Variants in CNTNAP2 observed in about 807,000 individuals in gnomAD.
CNTNAP2 encodes the protein contactin-associated protein-like 2.
Under a neutral mutation model 155.2 loss-of-function variants are expected in CNTNAP2, and 98 were observed. The ratio of observed to expected loss-of-function variants is 0.63; its 90% CI spans 0.54 to 0.75. The LOEUF is 0.75. CNTNAP2 is among the 30% of genes least tolerant of loss of function. The probability of loss-of-function intolerance (pLI) is 0.00; values close to 1 mark genes in which losing one functional copy is unlikely to be tolerated. For synonymous variants in CNTNAP2, 651 were observed against 631.2 expected, an observed-to-expected ratio of 1.03 and a Z score of -0.47; for missense variants, 1,727 against 1,688.1, an observed-to-expected ratio of 1.02 and a Z score of -0.40.
At chr7:147,502,306 G>A (rs13228879) in intron 11 of CNTNAP2, among the ~76,000 whole-genome samples, 24,944 of 152,120 alleles carry the variant, frequency 0.16, 2,686 homozygotes, top group Non-Finnish European at 0.24. Flanking sequence ...CATACTAAGT[G>A]TGAGGGAAAT....
chr7:147,620,684 G>A (rs1188365504), intron 12 of CNTNAP2, among the ~76,000 whole-genome samples: 1 of 151,886 alleles, frequency 6.6e-6, no homozygotes, highest in Non-Finnish European at 1.5e-5. Context: ...ATTTGAAAAT[G>A]CACAGTCAGT....
At chr7:146,464,185 C>CTTTTTTTTTTTTTTTT (rs1554437059) in intron 1 of CNTNAP2, among the ~76,000 whole-genome samples, 1 of 90,878 alleles carries the variant, frequency 1.1e-5, no homozygotes, top group African/African-American at 3.6e-5. Flanking sequence ...TCCTTTGAAA[C>CTTTTTTTTTTTTTTTT]TGTTTTTTTT....
intron 11 of CNTNAP2, among the ~76,000 whole-genome samples, chr7:147,534,381 C>A (rs1799504085): frequency 6.6e-6 from 1 of 152,144 alleles, no homozygotes; most frequent in African/African-American, 2.4e-5. Flanking sequence ...GGTCCCAGTG[C>A]CACTTAGAAT....
At chr7:147,612,922 C>A (rs62483184) in intron 12 of CNTNAP2, among the ~76,000 whole-genome samples, 23,143 of 152,124 alleles carry the variant, frequency 0.15, 2,171 homozygotes, top group East Asian at 0.32. Flanking sequence ...ATAACCATAG[C>A]TCAACTTATT....
intron 13 of CNTNAP2, among the ~76,000 whole-genome samples, chr7:147,685,622 G>T (rs147557649): frequency 3.0e-4 from 46 of 151,612 alleles, no homozygotes; most frequent in African/African-American, 1.1e-3. Flanking sequence ...ATGACAAATC[G>T]TCACCTTCTA....
intron 4 of CNTNAP2, among the ~76,000 whole-genome samples, chr7:147,088,572 G>A (rs1406992572): frequency 6.6e-6 from 1 of 152,144 alleles, no homozygotes; most frequent in South Asian, 2.1e-4. Context: ...AAAATATTAT[G>A]TCATATTATG....
intron 9 of CNTNAP2, among the ~76,000 whole-genome samples, chr7:147,326,267 G>A (rs1795457269): frequency 6.6e-6 from 1 of 152,130 alleles, no homozygotes; most frequent in African/African-American, 2.4e-5. Context: ...AATATTCTAG[G>A]TACCTTATAT....
intron 12 of CNTNAP2, among the ~76,000 whole-genome samples, chr7:147,580,119 A>G (rs1430186177): frequency 1.3e-5 from 2 of 152,232 alleles, no homozygotes; most frequent in Non-Finnish European, 2.9e-5. Context: ...AGTACTCTTC[A>G]TTCCCACATC....
At chr7:148,235,264 A>G (rs994938735) in intron 20 of CNTNAP2, among the ~76,000 whole-genome samples, 24 of 152,234 alleles carry the variant, frequency 1.6e-4, no homozygotes, top group African/African-American at 5.8e-4. Flanking sequence ...GGTCCTGTAT[A>G]TAAATCTTAA....
intron 12 of CNTNAP2, among the ~76,000 whole-genome samples, chr7:147,602,824 AT>A (rs566296774): frequency 4.3e-4 from 66 of 151,854 alleles, no homozygotes; most frequent in Admixed American, 1.5e-3. Flanking sequence ...TGAACTCATC[AT>A]TTTTTATGGC....
intron 18 of CNTNAP2, among the ~76,000 whole-genome samples, chr7:148,192,569 T>A (rs1243387096): frequency 6.7e-6 from 1 of 148,772 alleles, no homozygotes; most frequent in Non-Finnish European, 1.5e-5. Flanking sequence ...CTCCATGCAG[T>A]GAGCCGAGAT....
chr7:148,383,827 G>C lies in CNTNAP2; in HGVS notation c.3654G>C (p.Pro1218=). The part of the protein sequence containing the change: ...ELVESNCGAS[P]LTLSPMSSAT... ...TGGAGTCCAACTGCGGGGCCTCGCCGCTGACCCTCTCCCCCATGTCGTCCG... is the reference window on the plus strand; with the variant it reads ...TGGAGTCCAACTGCGGGGCCTCGCCCCTGACCCTCTCCCCCATGTCGTCCG... Residue 1218 remains proline, a synonymous_variant, in exon 22 of 24, where the codon CCG becomes CCC. Coordinates refer to ENST00000361727, the MANE Select transcript of CNTNAP2 (RefSeq NM_014141.6). The C allele has an allele frequency of 1.2e-6, 2 of 1,614,044 alleles. No individual in the cohort carries two copies. The highest frequency in any genetic ancestry group is 2.2e-5 in the South Asian group (2 of 91,074).
chr7:147,817,429 G>T (rs35843029), intron 13 of CNTNAP2, among the ~76,000 whole-genome samples: 2 of 152,098 alleles, frequency 1.3e-5, no homozygotes, highest in African/African-American at 2.4e-5. Flanking sequence ...AAGTATTTTA[G>T]GTATGATGTT....
At chr7:146,385,671 A>G (rs1795450228) in intron 1 of CNTNAP2, among the ~76,000 whole-genome samples, 1 of 152,214 alleles carries the variant, frequency 6.6e-6, no homozygotes, top group Non-Finnish European at 1.5e-5. Flanking sequence ...TCCTCACTGG[A>G]GAACCAAATG....
intron 1 of CNTNAP2, among the ~76,000 whole-genome samples, chr7:146,222,688 G>A (rs1013813498): frequency 3.4e-5 from 5 of 146,572 alleles, no homozygotes. Context: ...ACGGAGTCTC[G>A]CTTGTCGCCC....
At chr7:146,821,452 G>A (rs1803281505) in intron 2 of CNTNAP2, among the ~76,000 whole-genome samples, 1 of 151,986 alleles carries the variant, frequency 6.6e-6, no homozygotes, top group Non-Finnish European at 1.5e-5. Flanking sequence ...ATGAAATTCT[G>A]GGTTGAAAAT....
At chr7:147,765,914 A>C (rs369464785) in intron 13 of CNTNAP2, among the ~76,000 whole-genome samples, 2 of 152,356 alleles carry the variant, frequency 1.3e-5, no homozygotes, top group Admixed American at 6.5e-5. Flanking sequence ...CAAACTGCTG[A>C]CATTGGTTAC....
At chr7:147,041,939 A>G (rs1403743568) in intron 3 of CNTNAP2, among the ~76,000 whole-genome samples, 2 of 152,244 alleles carry the variant, frequency 1.3e-5, no homozygotes, top group African/African-American at 4.8e-5. Flanking sequence ...ATTTGAAGCC[A>G]GAGAACCCAA....
At chr7:146,492,259 CAGAG>C (rs950249977) in intron 1 of CNTNAP2, among the ~76,000 whole-genome samples, 3 of 146,184 alleles carry the variant, frequency 2.1e-5, no homozygotes, top group South Asian at 2.2e-4. Context: ...GAGAGAGAGA[CAGAG>C]AGAGAGAGAA....
Sources: allele counts gnomAD v4.1 joint callset (sites outside exome capture counted in the v4.1 genomes callset), GRCh38; gene constraint gnomAD v4.1.1; transcripts MANE v1.5; gene names NCBI Gene and HGNC (gene_info 2026-07-23, HGNC 2026-07-21).